Variants in SLC25A18 observed in about 807,000 individuals in gnomAD.
The protein encoded by SLC25A18 is solute carrier family 25 member 18, also known as mitochondrial glutamate carrier 2.
SLC25A18 carries 24 observed loss-of-function variants against 31.1 expected under a neutral mutation model. That is an observed-to-expected ratio of 0.77 (90% CI 0.56 to 1.08). SLC25A18 has a LOEUF of 1.08. SLC25A18 is among the 50% of genes least tolerant of loss of function. The probability of loss-of-function intolerance (pLI) is 0.00; values close to 1 mark genes in which losing one functional copy is unlikely to be tolerated. For missense variants in SLC25A18, 371 were observed against 418.5 expected (o/e 0.89, Z 0.99); for synonymous variants, 173 against 161.9 (o/e 1.07, Z -0.52).
At chr22:17,565,680 A>C (rs532227499) in intron 1 of SLC25A18, among the ~76,000 whole-genome samples, 1 of 151,968 alleles carries the variant, frequency 6.6e-6, no homozygotes, top group Non-Finnish European at 1.5e-5. Context: ...CCAGCCTGAC[A>C]AACATGGAGA....
intron 1 of SLC25A18, among the ~76,000 whole-genome samples, chr22:17,565,170 C>T (rs1464861207): frequency 6.6e-6 from 1 of 152,024 alleles, no homozygotes; most frequent in Non-Finnish European, 1.5e-5. Context: ...AACTCCGCCC[C>T]CCCGGGTTCA....
chr22:17,572,800 C>T (rs1206227318), intron 2 of SLC25A18, among the ~76,000 whole-genome samples: 53 of 147,870 alleles, frequency 3.6e-4, no homozygotes, highest in African/African-American at 7.9e-4. Context: ...CGCCACCACG[C>T]CCGGCTAATT....
rs190776415 is a variant in SLC25A18 at position 17,582,245 on chromosome 22, G to A, written c.200-318G>A. On this transcript the variant is annotated intron_variant, in intron 5 of 10. Transcript: ENST00000327451. Reference sequence around the variant, plus strand: ...AAAAAATTTAGCCGGGCGTGGTGGCGGGCGCCTGTAGTCCCAGCTACTAGG... The same window carrying A: ...AAAAAATTTAGCCGGGCGTGGTGGCAGGCGCCTGTAGTCCCAGCTACTAGG... 1.4e-4 allele frequency: 25 copies of A among 181,684 alleles called. 1 individual carries two copies. The East Asian group carries it at 2.1e-3, about 15-fold the overall frequency. 11.3% of individuals were successfully genotyped at this position (181,684 alleles called of 1,614,324 possible). A position where few individuals can be genotyped will look rare whatever the true frequency, so the allele number is the denominator to read the frequency against.
At chr22:17,580,555 C>T in intron 3 of SLC25A18, 2 of 989,926 alleles carry the variant, frequency 2.0e-6, no homozygotes, top group Non-Finnish European at 2.4e-6. Context: ...CTGGCATTCC[C>T]CCCCAGGCAC....
chr22:17,574,830 T>TTTATTATTATTATTA (rs139929656), intron 2 of SLC25A18, among the ~76,000 whole-genome samples: 1,902 of 137,840 alleles, frequency 0.014, 58 homozygotes, highest in African/African-American at 0.04. Flanking sequence ...CAATGTTCCC[T>TTTATTATTATTATTA]TTATTATTAT....
At chr22:17,583,874 G>A (rs1201099625) in intron 7 of SLC25A18, among the ~76,000 whole-genome samples, 1 of 151,960 alleles carries the variant, frequency 6.6e-6, no homozygotes, top group Non-Finnish European at 1.5e-5. Context: ...AGCCTGGGAG[G>A]CAGAGGTTGC....
intron 2 of SLC25A18, among the ~76,000 whole-genome samples, chr22:17,572,711 G>A (rs543338201): frequency 2.1e-3 from 261 of 126,978 alleles, no homozygotes; most frequent in African/African-American, 8.7e-3. Flanking sequence ...GCGCGATCTC[G>A]GCTCACTGCA....
At chr22:17,574,016 G>C (rs1330164305) in intron 2 of SLC25A18, among the ~76,000 whole-genome samples, 4 of 152,334 alleles carry the variant, frequency 2.6e-5, no homozygotes, top group African/African-American at 7.2e-5. Flanking sequence ...GATCAGCTGA[G>C]CTCAGGAGTT....
intron 10 of SLC25A18, 152 bp downstream of exon 10, chr22:17,589,817 A>C: frequency 2.6e-6 from 2 of 783,984 alleles, no homozygotes; most frequent in Non-Finnish European, 4.1e-6. Context: ...AACAGAATGT[A>C]CTGGGAGCCT....
chr22:17,573,053 C>T (rs141203048), intron 2 of SLC25A18, among the ~76,000 whole-genome samples: 3,605 of 152,214 alleles, frequency 0.024, 141 homozygotes, highest in African/African-American at 0.083. Context: ...GTTGAGGCTG[C>T]AGTGAGCCAA....
chr22:17,589,175 T>C (rs1296817), intron 9 of SLC25A18: 14,742 of 109,480 alleles, frequency 0.13, 1,038 homozygotes, highest in African/African-American at 0.31. Context: ...TCATGACCGT[T>C]TTTTTTTTTC....
At chr22:17,586,996 A>C in intron 7 of SLC25A18, 140 bp from the exon 8 acceptor site, 1 of 935,628 alleles carries the variant, frequency 1.1e-6, no homozygotes, top group Non-Finnish European at 1.6e-6. Context: ...TTCTAAAATT[A>C]GGACATTCTT....
intron 1 of SLC25A18, among the ~76,000 whole-genome samples, chr22:17,566,798 G>A (rs2056948742): frequency 6.6e-6 from 1 of 152,124 alleles, no homozygotes; most frequent in South Asian, 2.1e-4. Context: ...GACCTGAACT[G>A]TCCCGTCGGG....
chr22:17,568,790 T>C (rs561065471), intron 1 of SLC25A18, among the ~76,000 whole-genome samples: 402 of 151,454 alleles, frequency 2.7e-3, no homozygotes, highest in Non-Finnish European at 3.8e-3. Context: ...CTCAGTCTCC[T>C]GACCTTGTGA....
chr22:17,584,467 GAGAGAAAGAA>G (rs1353927108), intron 7 of SLC25A18, among the ~76,000 whole-genome samples: 5 of 131,746 alleles, frequency 3.8e-5, no homozygotes, highest in African/African-American at 1.7e-4. Flanking sequence ...GAGAGAGAGA[GAGAGAAAGAA>G]AGAAAGAAAG....
chr22:17,584,469 G>GAGAGAAAGAA (rs1555951532), intron 7 of SLC25A18, among the ~76,000 whole-genome samples: 2 of 121,624 alleles, frequency 1.6e-5, no homozygotes, highest in African/African-American at 3.7e-5. Context: ...GAGAGAGAGA[G>GAGAGAAAGAA]AGAAAGAAAG....
At position 17,590,231 on chromosome 22, in the gene SLC25A18, G is replaced by T; in HGVS notation, c.943G>T (p.Asp315Tyr). The T allele has an allele frequency of 6.2e-7, 1 of 1,614,168 alleles. No individual in the cohort carries two copies. Among genetic ancestry groups the T allele is most frequent in the South Asian group, 1.1e-5 (1 of 91,068 alleles). Residue 315 changes from aspartate to tyrosine, a missense_variant, in exon 11 of 11, where the codon GAC becomes TAC. Transcript: ENST00000327451. ...GIGERILKCF[D>Y] ...TGGAGAGCGCATCTTAAAGTGTTTT[G>T]ACTAGACAGAGCTGGAGGTCAAGTC...
intron 4 of SLC25A18, 36 bp downstream of exon 4, chr22:17,581,195 G>A (rs551213683): frequency 4.5e-6 from 7 of 1,571,222 alleles, no homozygotes; most frequent in Admixed American, 1.8e-5. Context: ...GGGCAGAGGC[G>A]CCCGGGGGAG....
At position 17,579,891 on chromosome 22, in the gene SLC25A18, G is replaced by A. The variant is rs779956540; in HGVS notation, c.-54G>A. The A allele has an allele frequency of 3.5e-5, 56 of 1,591,484 alleles. No individual in the cohort carries two copies. The highest frequency in any genetic ancestry group is 4.1e-5 in the Non-Finnish European group (48 of 1,169,328). ...TCTTCCCCCAGACAGCCCCAACAGC[G>A]GCTACCCCAAGGAGCCAGCAGCCTT... On this transcript the variant is annotated 5_prime_UTR_variant, in exon 3 of 11. Transcript: ENST00000327451.
Sources: allele counts gnomAD v4.1 joint callset (sites outside exome capture counted in the v4.1 genomes callset), GRCh38; gene constraint gnomAD v4.1.1; transcripts MANE v1.5; gene names NCBI Gene and HGNC (gene_info 2026-07-23, HGNC 2026-07-21).